Variants in SPPL2A observed in about 807,000 individuals in gnomAD.
The protein encoded by SPPL2A is signal peptide peptidase-like 2A.
A neutral mutation model predicts 63.8 loss-of-function variants in SPPL2A; 51 were observed. That is an observed-to-expected ratio of 0.80 (90% CI 0.64 to 1.01). SPPL2A has a LOEUF of 1.01. Among genes scored for constraint, SPPL2A ranks in the 50% least tolerant of loss-of-function variants. The pLI, the probability that SPPL2A is intolerant of heterozygous loss-of-function variation, is 0.00. For missense variants in SPPL2A, 553 were observed against 622.7 expected (o/e 0.89, Z 1.19); for synonymous variants, 188 against 205.8 (o/e 0.91, Z 0.74).
chr15:50,726,215 C>T (rs758545166), intron 11 of SPPL2A, 106 bp downstream of exon 11: 66 of 1,457,312 alleles, frequency 4.5e-5, no homozygotes, highest in Admixed American at 7.6e-5. Context: ...TTTTACAATA[C>T]CTTAACATGC....
chr15:50,726,960 C>T (rs2141030928), intron 10 of SPPL2A, among the ~76,000 whole-genome samples: 2 of 152,308 alleles, frequency 1.3e-5, no homozygotes, highest in South Asian at 2.1e-4. Flanking sequence ...CCAATTTCAG[C>T]CCTGCCTGCT....
chr15:50,702,576 G>A lies in SPPL2A; in HGVS notation c.*5224C>T, dbSNP rs950135164. 12 of 152,186 alleles carry A rather than the reference G, an allele frequency of 7.9e-5. No homozygotes were observed. Among genetic ancestry groups the A allele is most frequent in the Admixed American group, 2.0e-4 (3 of 15,260 alleles). 9.4% of individuals were successfully genotyped at this position (152,186 alleles called of 1,614,324 possible). A position where few individuals can be genotyped will look rare whatever the true frequency, so the allele number is the denominator to read the frequency against. On this transcript the variant is annotated 3_prime_UTR_variant, in exon 15 of 15. Transcript: ENST00000261854. ...AAAATGCAACAGAAGGTATAAAACA[G>A]GCAAAAATTACCTAATTTACATTGA...
intron 14 of SPPL2A, among the ~76,000 whole-genome samples, chr15:50,711,206 C>CTTTT (rs1302695528): frequency 1.7e-5 from 2 of 115,608 alleles, no homozygotes; most frequent in East Asian, 4.6e-4. Flanking sequence ...AATTAGTATC[C>CTTTT]TTTTTTTTTT....
At chr15:50,720,165 G>T in intron 13 of SPPL2A, 65 bp from the exon 14 acceptor site, 1 of 1,270,304 alleles carries the variant, frequency 7.9e-7, no homozygotes, top group Non-Finnish European at 1.1e-6. Flanking sequence ...TTTTTCCTCT[G>T]TCATTTATGT....
rs147522369 is a variant in SPPL2A, at chr15:50,723,143, T to A, written c.1250-942A>T. Among the ~76,000 whole-genome samples the A allele has an allele frequency of 3.0e-3, 453 of 152,300 alleles. 4 individuals are homozygous for A. Among genetic ancestry groups the A allele is most frequent in the African/African-American group, 0.011 (438 of 41,576 alleles). On this transcript the variant is annotated intron_variant, in intron 12 of 14. Transcript: ENST00000261854. ...CTTACATATGTTAGAATGGCTGTTA[T>A]TAAAAAGATGAAAAGTAAGCCTTAG...
At chr15:50,755,333 A>C (rs1340265640) in intron 1 of SPPL2A, among the ~76,000 whole-genome samples, 2 of 151,234 alleles carry the variant, frequency 1.3e-5, no homozygotes, top group Non-Finnish European at 2.9e-5. Context: ...AAAAAAAAGC[A>C]AATTTGGAAG....
chr15:50,762,536 A>T (rs966721212), intron 1 of SPPL2A, among the ~76,000 whole-genome samples: 1 of 152,132 alleles, frequency 6.6e-6, no homozygotes, highest in African/African-American at 2.4e-5. Flanking sequence ...CAGTGAGGTC[A>T]CTCTGATGTG....
Position 50,747,493 on chromosome 15 carries a change from A to G in SPPL2A, c.584+2T>C. Reference sequence around the variant, plus strand: ...AAAAACGCTTAAGTTAATTAAACTTACAATTCAACTAGTCCACTCCAGTAT... The same window carrying G: ...AAAAACGCTTAAGTTAATTAAACTTGCAATTCAACTAGTCCACTCCAGTAT... On this transcript the variant is annotated splice_donor_variant, in intron 5 of 14. Coordinates refer to ENST00000261854, the MANE Select transcript of SPPL2A (RefSeq NM_032802.4). LOFTEE classifies it high-confidence loss of function. 1 of 1,595,248 alleles carries G rather than the reference A, an allele frequency of 6.3e-7. No homozygotes were observed. Among genetic ancestry groups the G allele is most frequent in the Non-Finnish European group, 8.5e-7 (1 of 1,175,188 alleles).
intron 13 of SPPL2A, among the ~76,000 whole-genome samples, chr15:50,720,343 T>C (rs1791346184): frequency 6.6e-6 from 1 of 152,146 alleles, no homozygotes; most frequent in Non-Finnish European, 1.5e-5. Flanking sequence ...TGATAAGAGA[T>C]AATAATTCAT....
At position 50,739,787 on chromosome 15, in the gene SPPL2A, C is replaced by T; in HGVS notation, c.626G>A (p.Arg209Lys). ...KAVTTEDREM[R>K]KKKEEYLTFS... Reference sequence around the variant, plus strand: ...AGTTAAATATTCTTCCTTCTTTTTCCTCATTTCTCTATCTTCAGTTGTCAC... The same window carrying T: ...AGTTAAATATTCTTCCTTCTTTTTCTTCATTTCTCTATCTTCAGTTGTCAC... The change falls in exon 6 of 15, where the codon AGG becomes AAG. Residue 209 changes from arginine to lysine, a missense_variant. Coordinates refer to ENST00000261854, the MANE Select transcript of SPPL2A (RefSeq NM_032802.4). 6.2e-7 allele frequency: 1 copy of T among 1,605,314 alleles called. No individual in the cohort carries two copies. Among genetic ancestry groups the T allele is most frequent in the Admixed American group, 1.7e-5 (1 of 57,542 alleles).
chr15:50,755,580 CACTGCATTCCAGCCTAGGGCCTAG>C (rs1188622420), intron 1 of SPPL2A, among the ~76,000 whole-genome samples: 1 of 139,240 alleles, frequency 7.2e-6, no homozygotes, highest in Non-Finnish European at 1.5e-5. Flanking sequence ...ATGACCATGC[CACTGCATTCCAGCCTAGGGCCTAG>C]GTGACAGAAG....
Position 50,707,699 on chromosome 15 carries a change from T to C in SPPL2A, c.*101A>G. 1.5e-6 allele frequency: 1 copy of C among 665,640 alleles called. No homozygotes were observed. The allele number at this position is 665,640 out of a possible 1,614,324, so 41.2% of individuals were successfully genotyped here. ...ATAAAAATATATTTTTGCAAGCATA[T>C]CATTGAAGACTCTTTCAGATTGTCA... On this transcript the variant is annotated 3_prime_UTR_variant, in exon 15 of 15. Coordinates refer to ENST00000261854, the MANE Select transcript of SPPL2A (RefSeq NM_032802.4).
At chr15:50,742,550 T>C (rs1395298387) in intron 5 of SPPL2A, among the ~76,000 whole-genome samples, 1 of 152,192 alleles carries the variant, frequency 6.6e-6, no homozygotes, top group African/African-American at 2.4e-5. Context: ...TTACTCTCTT[T>C]CCATCCAACT....
intron 1 of SPPL2A, among the ~76,000 whole-genome samples, chr15:50,757,998 A>T: frequency 6.7e-6 from 1 of 150,164 alleles, no homozygotes; most frequent in Non-Finnish European, 1.5e-5. Flanking sequence ...ATAAAAAAAA[A>T]AAAAAAAAGG....
At chr15:50,715,917 GTAAA>G (rs2062595838) in intron 14 of SPPL2A, among the ~76,000 whole-genome samples, 2 of 151,736 alleles carry the variant, frequency 1.3e-5, no homozygotes, top group Admixed American at 1.3e-4. Flanking sequence ...CTGGGTCAAA[GTAAA>G]TAACAAAGTA....
At chr15:50,760,258 CTT>C (rs10717809) in intron 1 of SPPL2A, among the ~76,000 whole-genome samples, 90 of 147,716 alleles carry the variant, frequency 6.1e-4, no homozygotes, top group Middle Eastern at 3.5e-3. Flanking sequence ...TCTCTGATGT[CTT>C]TTTTTTTTTT....
At chr15:50,720,387 TTAAA>T (rs75169351) in intron 13 of SPPL2A, among the ~76,000 whole-genome samples, 23,407 of 152,154 alleles carry the variant, frequency 0.15, 2,443 homozygotes, top group East Asian at 0.44. Context: ...ATTAAAGATG[TTAAA>T]TAGTTTCATA....
chr15:50,722,595 T>C (rs1445069880), intron 12 of SPPL2A, among the ~76,000 whole-genome samples: 1 of 152,158 alleles, frequency 6.6e-6, no homozygotes, highest in African/African-American at 2.4e-5. Flanking sequence ...TAGCTGGGAC[T>C]ACAGGCGCGT....
chr15:50,758,344 C>G (rs952476385), intron 1 of SPPL2A, among the ~76,000 whole-genome samples: 5 of 150,722 alleles, frequency 3.3e-5, no homozygotes, highest in African/African-American at 1.2e-4. Context: ...TTGCCTATTC[C>G]TTTGATCATT....
Sources: gnomAD v4.1 joint callset for allele counts (sites outside exome capture counted in the v4.1 genomes callset) on GRCh38, gnomAD v4.1.1 for gene constraint, MANE v1.5 for transcripts, NCBI Gene and HGNC (gene_info 2026-07-23, HGNC 2026-07-21) for gene names.